AEBP2: variants seen among roughly 807,000 people sequenced by gnomAD.
The protein encoded by AEBP2 is zinc finger protein AEBP2.
In AEBP2, 10 loss-of-function variants were observed where a neutral mutation model predicts 50.8. The observed-to-expected ratio is 0.20, with a 90% CI of 0.12 to 0.33. The LOEUF (loss-of-function observed/expected upper bound fraction) is 0.33, where lower values mean the gene tolerates loss of function less well. Among genes scored for constraint, AEBP2 ranks in the 10% least tolerant of loss-of-function variants. AEBP2 has a pLI of 1.00. For synonymous variants in AEBP2, 296 were observed against 261.3 expected (o/e 1.13, Z -1.28); for missense variants, 570 against 688.0 (o/e 0.83, Z 1.92).
At chr12:19,435,419 G>A (rs1277221235), upstream of AEBP2, among the ~76,000 whole-genome samples, 1 of 151,392 alleles carries the variant, frequency 6.6e-6, no homozygotes, top group Non-Finnish European at 1.5e-5. Context: ...TTTATTTTTT[G>A]TAGAGATAGG....
chr12:19,441,821 T>C (rs1024511068), intron 1 of AEBP2, among the ~76,000 whole-genome samples: 3 of 152,226 alleles, frequency 2.0e-5, no homozygotes, highest in African/African-American at 7.2e-5. Context: ...TATGCTCCTC[T>C]GATACCATTA....
At chr12:19,505,020 T>C (rs1342348279) in intron 5 of AEBP2, among the ~76,000 whole-genome samples, 1 of 152,192 alleles carries the variant, frequency 6.6e-6, no homozygotes, top group Non-Finnish European at 1.5e-5. Context: ...GGTGTCCTTA[T>C]TCTCTTTTAA....
chr12:19,499,615 TAA>T (rs59023233), intron 4 of AEBP2, among the ~76,000 whole-genome samples: 1 of 146,078 alleles, frequency 6.8e-6, no homozygotes, highest in Non-Finnish European at 1.5e-5. Flanking sequence ...CTCTGTCTCT[TAA>T]AAAAAAAAAA....
Position 19,518,523 on chromosome 12 carries a change from C to T in AEBP2, c.*406C>T. 1.6e-6 allele frequency: 2 copies of T among 1,259,232 alleles called. No homozygotes were observed. Among genetic ancestry groups the T allele is most frequent in the Non-Finnish European group, 2.0e-6 (2 of 996,660 alleles). 78.0% of individuals were successfully genotyped at this position (1,259,232 alleles called of 1,614,324 possible). A position where few individuals can be genotyped will look rare whatever the true frequency, so the allele number is the denominator to read the frequency against. Reference sequence around the variant, plus strand: ...ATTACAACATGTGCCCTTACAAATACCAAAAGCACTGTAAGGATATTTGTC... The same window carrying T: ...ATTACAACATGTGCCCTTACAAATATCAAAAGCACTGTAAGGATATTTGTC... On this transcript the variant is annotated 3_prime_UTR_variant, in exon 8 of 8. Coordinates refer to ENST00000266508, the MANE Select transcript of AEBP2 (RefSeq NM_153207.5).
chr12:19,500,017 T>C, intron 4 of AEBP2, 80 bp from the exon 5 acceptor site: 1 of 1,279,502 alleles, frequency 7.8e-7, no homozygotes, highest in South Asian at 1.4e-5. Flanking sequence ...TAGATATGTA[T>C]TTGTTAATTG....
At position 19,518,755 on chromosome 12, in the gene AEBP2, G is replaced by A. The variant is rs1301107959; in HGVS notation, c.*638G>A. On this transcript the variant is annotated 3_prime_UTR_variant, in exon 8 of 8. Coordinates refer to ENST00000266508, the MANE Select transcript of AEBP2 (RefSeq NM_153207.5). ...GCAATCAACTAAAAATTCGTCTATC[G>A]AATTAGGGCTGAAAATTACTGTTAA... 26 of 1,474,198 alleles carry A rather than the reference G, an allele frequency of 1.8e-5. No individual in the cohort carries two copies. Among genetic ancestry groups the A allele is most frequent in the African/African-American group, 2.8e-5 (2 of 71,942 alleles). The allele number at this position is 1,474,198 out of a possible 1,614,324, so 91.3% of individuals were successfully genotyped here.
chr12:19,486,205 A>G (rs1948807193), intron 3 of AEBP2, among the ~76,000 whole-genome samples: 1 of 152,062 alleles, frequency 6.6e-6, no homozygotes, highest in Non-Finnish European at 1.5e-5. Context: ...GAACTCTTGT[A>G]TGAACTCTTA....
At chr12:19,461,757 C>T (rs554845442) in intron 1 of AEBP2, among the ~76,000 whole-genome samples, 7 of 152,172 alleles carry the variant, frequency 4.6e-5, no homozygotes, top group East Asian at 1.9e-4. Flanking sequence ...GTAGTCCACC[C>T]GCCTCGGCCT....
chr12:19,475,054 G>T (rs960002856), intron 3 of AEBP2, among the ~76,000 whole-genome samples: 1 of 152,188 alleles, frequency 6.6e-6, no homozygotes, highest in Non-Finnish European at 1.5e-5. Context: ...GCCTCCCAAA[G>T]TGCTGGGATT....
At chr12:19,459,467 G>A (rs78118935) in intron 1 of AEBP2, among the ~76,000 whole-genome samples, 47 of 152,174 alleles carry the variant, frequency 3.1e-4, no homozygotes, top group African/African-American at 9.9e-4. Context: ...TCCTGACCTC[G>A]TGATCCGCCC....
At chr12:19,513,821 TA>T (rs1221683435) in intron 6 of AEBP2, among the ~76,000 whole-genome samples, 8 of 151,596 alleles carry the variant, frequency 5.3e-5, no homozygotes, top group Admixed American at 2.0e-4. Flanking sequence ...TTAATCCAAA[TA>T]TCAAAATACA....
At chr12:19,430,552 T>C (rs2095750886) in intron 1 of AEBP2, among the ~76,000 whole-genome samples, 1 of 152,208 alleles carries the variant, frequency 6.6e-6, no homozygotes, top group African/African-American at 2.4e-5. Flanking sequence ...ATTGAATCTA[T>C]AAATTACCTA....
intron 1 of AEBP2, among the ~76,000 whole-genome samples, chr12:19,411,784 T>C (rs955279720): frequency 1.3e-5 from 2 of 152,210 alleles, no homozygotes; most frequent in Admixed American, 1.3e-4. Flanking sequence ...GAGCAGCAAC[T>C]ATAAGACAGA....
chr12:19,407,261 G>A (rs1271675096), intron 1 of AEBP2, among the ~76,000 whole-genome samples: 2 of 152,054 alleles, frequency 1.3e-5, no homozygotes, highest in Admixed American at 6.6e-5. Flanking sequence ...TATTGGTACC[G>A]CTGCACTTCA....
At position 19,504,380 on chromosome 12, in the gene AEBP2, G is replaced by GCC. The variant is rs55796210; in HGVS notation, c.1299+4166_1299+4167dup. On this transcript the variant is annotated intron_variant, in intron 5 of 7. Transcript: ENST00000266508. ...CTCCCGAGTAGCTGGGAATACAGGCGCCCCCCCCACCACGCCTGGCTAATT... is the reference window on the plus strand; with the variant it reads ...CTCCCGAGTAGCTGGGAATACAGGCGCCCCCCCCCCACCACGCCTGGCTAATT... 6.8e-3 allele frequency among the ~76,000 whole-genome samples: 1,020 copies of GCC among 149,442 alleles called. 19 individuals carry two copies. The highest frequency in any genetic ancestry group is 0.023 in the African/African-American group (922 of 40,480).
chr12:19,448,709 T>A (rs1269565775), intron 1 of AEBP2, among the ~76,000 whole-genome samples: 2 of 152,210 alleles, frequency 1.3e-5, no homozygotes, highest in African/African-American at 4.8e-5. Context: ...AGACAGGGTC[T>A]TGCTCTGTCA....
At position 19,518,320 on chromosome 12, in the gene AEBP2, A is replaced by G. The variant is rs903982189; in HGVS notation, c.*203A>G. 4 of 1,265,094 alleles carry G rather than the reference A, an allele frequency of 3.2e-6. No homozygotes were observed. Among genetic ancestry groups the G allele is most frequent in the Non-Finnish European group, 3.0e-6 (3 of 1,006,854 alleles). 78.4% of individuals were successfully genotyped at this position (1,265,094 alleles called of 1,614,324 possible). A position where few individuals can be genotyped will look rare whatever the true frequency, so the allele number is the denominator to read the frequency against. ...AGACTCTTCGGTGGAATATATTAAT[A>G]TATTACTGTATATCCACATTTTCAT... On this transcript the variant is annotated 3_prime_UTR_variant, in exon 8 of 8. Transcript: ENST00000266508.
chr12:19,503,365 T>C (rs1304192356), intron 5 of AEBP2, among the ~76,000 whole-genome samples: 1 of 151,882 alleles, frequency 6.6e-6, no homozygotes, highest in Non-Finnish European at 1.5e-5. Flanking sequence ...GTGTGTGTTA[T>C]GGTGAATGGA....
upstream of AEBP2, among the ~76,000 whole-genome samples, chr12:19,436,309 C>G (rs1947860987): frequency 1.3e-5 from 2 of 152,144 alleles, no homozygotes; most frequent in African/African-American, 4.8e-5. Flanking sequence ...AACTGCCCAC[C>G]CTTTTCCTGG....
Sources: gnomAD v4.1 joint callset for allele counts (sites outside exome capture counted in the v4.1 genomes callset) on GRCh38, gnomAD v4.1.1 for gene constraint, MANE v1.5 for transcripts, NCBI Gene and HGNC (gene_info 2026-07-23, HGNC 2026-07-21) for gene names.